The following AGBL4 variants were observed in gnomAD, a reference collection of about 807,000 sequenced individuals.
The protein encoded by AGBL4 is AGBL carboxypeptidase 4.
Under a neutral mutation model 66.4 loss-of-function variants are expected in AGBL4, and 58 were observed. That is an observed-to-expected ratio of 0.87 (90% confidence interval 0.71 to 1.09). The LOEUF is 1.09. Among genes scored for constraint, AGBL4 ranks in the 50% least tolerant of loss-of-function variants. The pLI, the probability that AGBL4 is intolerant of heterozygous loss-of-function variation, is 0.00. For synonymous variants in AGBL4, 234 were observed against 222.9 expected, an observed-to-expected ratio of 1.05 and a Z score of -0.44; for missense variants, 579 against 631.0, an observed-to-expected ratio of 0.92 and a Z score of 0.88.
chr1:48,871,233 T>C (rs1276110731), intron 5 of AGBL4, among the ~76,000 whole-genome samples: 1 of 151,984 alleles, frequency 6.6e-6, no homozygotes, highest in Admixed American at 6.6e-5. Context: ...AGGGAGGAAA[T>C]GAAGCCAGTA....
intron 1 of AGBL4, among the ~76,000 whole-genome samples, chr1:50,006,368 AGAG>A: frequency 6.6e-6 from 1 of 151,948 alleles, no homozygotes; most frequent in South Asian, 2.1e-4. Flanking sequence ...GTAGAGAGAG[AGAG>A]GAGTAGACAG....
chr1:48,523,606 A>G, the AGBL4 span, among the ~76,000 whole-genome samples: 244 of 152,300 alleles, frequency 1.6e-3, no homozygotes, highest in African/African-American at 5.7e-3. Context: ...CTTAGAAAAG[A>G]ATGAATTAAG....
chr1:48,735,197 T>A (rs1262101145), intron 6 of AGBL4, among the ~76,000 whole-genome samples: 1 of 152,096 alleles, frequency 6.6e-6, no homozygotes, highest in Non-Finnish European at 1.5e-5. Context: ...AATTAGCAAC[T>A]ACTTTATTCT....
rs568380528 is a variant in AGBL4, at chr1:48,896,025, G to C, written c.595-28795C>G. On this transcript the variant is annotated intron_variant, in intron 5 of 13. Coordinates refer to ENST00000371839, the MANE Select transcript of AGBL4 (RefSeq NM_032785.4). ...TATTTGCAGGTTGCCATTCAAAAAT[G>C]GCGATGGCAATAATAATGCCTTTCT... Among the ~76,000 whole-genome samples the C allele has an allele frequency of 7.7e-4, 117 of 152,306 alleles. 2 individuals carry two copies. The South Asian group carries it at 0.013, about 16-fold the overall frequency.
chr1:48,534,869 C>T, intron 13 of AGBL4, 21 bp downstream of exon 13: 1 of 1,550,790 alleles, frequency 6.4e-7, no homozygotes, highest in South Asian at 1.2e-5. Context: ...CGGGCAATGT[C>T]ATCTTGAAGC....
chr1:48,622,352 C>T (rs552764943), intron 9 of AGBL4, among the ~76,000 whole-genome samples: 544 of 152,208 alleles, frequency 3.6e-3, no homozygotes, highest in Middle Eastern at 0.01. Flanking sequence ...ACATGGTACC[C>T]GGAGCCCTTG....
At chr1:49,008,261 A>T (rs1228913908) in intron 5 of AGBL4, among the ~76,000 whole-genome samples, 1 of 152,032 alleles carries the variant, frequency 6.6e-6, no homozygotes, top group African/African-American at 2.4e-5. Context: ...AAACCAACAA[A>T]GATCAAAAGA....
chr1:48,992,796 C>G (rs571120717), intron 5 of AGBL4, among the ~76,000 whole-genome samples: 35 of 152,188 alleles, frequency 2.3e-4, no homozygotes, highest in Admixed American at 2.2e-3. Flanking sequence ...GCCAGACTAC[C>G]ACTTATGTTC....
At chr1:49,991,859 G>C (rs1011392845) in intron 1 of AGBL4, among the ~76,000 whole-genome samples, 12 of 152,086 alleles carry the variant, frequency 7.9e-5, no homozygotes, top group Non-Finnish European at 8.8e-5. Flanking sequence ...AATTAGTCCT[G>C]TTTCTACTTC....
At chr1:49,375,480 T>A (rs2148562125) in intron 3 of AGBL4, among the ~76,000 whole-genome samples, 1 of 152,214 alleles carries the variant, frequency 6.6e-6, no homozygotes, top group African/African-American at 2.4e-5. Context: ...GATGCCTTCC[T>A]GTAGGACAAA....
At chr1:49,372,637 TTCTTTCTTTC>T (rs1335826749) in intron 3 of AGBL4, among the ~76,000 whole-genome samples, 3 of 136,716 alleles carry the variant, frequency 2.2e-5, no homozygotes, top group Admixed American at 2.2e-4. Context: ...CTTTCTTTCT[TTCTTTCTTTC>T]TTTCTTTCTT....
At chr1:49,711,731 T>C (rs1157468079) in intron 2 of AGBL4, among the ~76,000 whole-genome samples, 6 of 152,058 alleles carry the variant, frequency 3.9e-5, no homozygotes, top group African/African-American at 1.4e-4. Flanking sequence ...AGTTACACAG[T>C]ACTTTAATAA....
intron 3 of AGBL4, among the ~76,000 whole-genome samples, chr1:49,394,187 TTG>T (rs904108310): frequency 1.3e-5 from 2 of 152,088 alleles, no homozygotes; most frequent in African/African-American, 4.8e-5. Context: ...GTATTTCATT[TTG>T]TGTCTTGTGC....
rs373873201 is a variant in AGBL4 at position 49,197,445 on chromosome 1, C to A, written c.377+48325G>T. ...CCTCCAGGCCAGTAGGTGGTTCTTGCAGTTAAGAGTTTGTTACAGGGGTAG... is the reference window on the plus strand; with the variant it reads ...CCTCCAGGCCAGTAGGTGGTTCTTGAAGTTAAGAGTTTGTTACAGGGGTAG... On this transcript the variant is annotated intron_variant, in intron 4 of 13. Coordinates refer to ENST00000371839, the MANE Select transcript of AGBL4 (RefSeq NM_032785.4). Among the ~76,000 whole-genome samples the A allele has an allele frequency of 3.5e-4, 53 of 152,272 alleles. 1 individual carries two copies. In the South Asian group the frequency reaches 1.0e-2, roughly 29 times the overall value.
At chr1:48,626,465 CCTT>C (rs778662857) in intron 9 of AGBL4, among the ~76,000 whole-genome samples, 1 of 152,210 alleles carries the variant, frequency 6.6e-6, no homozygotes, top group African/African-American at 2.4e-5. Flanking sequence ...ATCAGTCTGT[CCTT>C]CTCTGGCAGC....
chr1:48,895,276 G>A (rs1055043237), intron 5 of AGBL4, among the ~76,000 whole-genome samples: 1 of 152,188 alleles, frequency 6.6e-6, no homozygotes, highest in African/African-American at 2.4e-5. Flanking sequence ...TCAGAGGTCG[G>A]CTTGTTGACC....
chr1:49,183,508 G>A (rs1569973876), intron 4 of AGBL4, among the ~76,000 whole-genome samples: 1 of 152,084 alleles, frequency 6.6e-6, no homozygotes, highest in East Asian at 1.9e-4. Context: ...ACAACCCATA[G>A]TCACAAAAGT....
intron 5 of AGBL4, among the ~76,000 whole-genome samples, chr1:48,884,146 C>T (rs1558064598): frequency 6.6e-6 from 1 of 152,224 alleles, no homozygotes; most frequent in East Asian, 1.9e-4. Context: ...TGAATAAATG[C>T]CTATTGTTTT....
rs1351186509 is a variant in AGBL4 at position 49,764,426 on chromosome 1, A to C, written c.158-66989T>G. Among the ~76,000 whole-genome samples the C allele has an allele frequency of 2.6e-5, 4 of 152,002 alleles. No homozygotes were observed. The East Asian group carries it at 7.8e-4, about 29-fold the overall frequency. ...TAGTCCCTTGGGTTCCAATCACATA[A>C]ACATTCTGCTTGCTCTCACCTGAGA... On this transcript the variant is annotated intron_variant, in intron 2 of 13. Coordinates refer to ENST00000371839, the MANE Select transcript of AGBL4 (RefSeq NM_032785.4).
Sources: gnomAD v4.1 joint callset for allele counts (sites outside exome capture counted in the v4.1 genomes callset) on GRCh38, gnomAD v4.1.1 for gene constraint, MANE v1.5 for transcripts, NCBI Gene and HGNC (gene_info 2026-07-23, HGNC 2026-07-21) for gene names.